PRPF40B: variants seen among roughly 807,000 people sequenced by gnomAD.
PRPF40B encodes pre-mRNA-processing factor 40 homolog B.
Under a neutral mutation model 124.5 loss-of-function variants are expected in PRPF40B, and 56 were observed. That is an observed-to-expected ratio of 0.45 (90% CI 0.36 to 0.56). The LOEUF is 0.56. PRPF40B is among the 20% of genes least tolerant of loss of function. The pLI is 0.00. For synonymous variants in PRPF40B, 443 were observed against 426.4 expected (o/e 1.04, Z -0.48); for missense variants, 1,053 against 1,169.5 (o/e 0.90, Z 1.45).
chr12:49,636,023 C>T (rs1263353641), intron 15 of PRPF40B, 30 bp downstream of exon 15: 2 of 1,612,236 alleles, frequency 1.2e-6, no homozygotes, highest in Non-Finnish European at 1.7e-6. Context: ...CCCAGCTATC[C>T]CTTTCCCTTT....
chr12:49,643,594 G>A, intron 23 of PRPF40B, 97 bp from the exon 24 acceptor site: 1 of 1,425,202 alleles, frequency 7.0e-7, no homozygotes, highest in African/African-American at 1.4e-5. Flanking sequence ...CAGAGCATGA[G>A]GTTCCTGCCT....
chr12:49,641,954 C>G lies in PRPF40B; in HGVS notation c.1814C>G (p.Ala605Gly). The G allele has an allele frequency of 6.2e-7, 1 of 1,613,930 alleles. No homozygotes were observed. Among genetic ancestry groups the G allele is most frequent in the Non-Finnish European group, 8.5e-7 (1 of 1,180,044 alleles). The stretch of plus-strand genomic sequence containing the variant: ...GTGAACACGGCCTTTGAGGACTTCG[C>G]CCACGTCATAAGCTTTGACAAGAGG... ...VEVNTAFEDF[A>G]HVISFDKRAA... The change falls in exon 19 of 26, where the codon GCC becomes GGC. Residue 605 changes from alanine (A) to glycine (G), a missense_variant. This residue lies in a region of PRPF40B where 895 missense variants were observed against 1,052.2 expected (regional missense o/e 0.85). Coordinates refer to ENST00000548825, the MANE Select transcript of PRPF40B (RefSeq NM_001031698.3).
chr12:49,633,758 C>T (rs1375564306), intron 9 of PRPF40B, 97 bp downstream of exon 9: 7 of 1,605,860 alleles, frequency 4.4e-6, no homozygotes, highest in East Asian at 4.5e-5. Context: ...GAGGAAGAGC[C>T]AGCTCTGTCT....
At chr12:49,624,064 C>T in intron 1 of PRPF40B, 1 of 989,280 alleles carries the variant, frequency 1.0e-6, no homozygotes, top group Non-Finnish European at 1.2e-6. Flanking sequence ...CCTGCTTCAC[C>T]TTCCTGCATT....
intron 8 of PRPF40B, 26 bp from the exon 9 acceptor site, chr12:49,633,611 G>C (rs1278800295): frequency 3.7e-6 from 6 of 1,614,092 alleles, no homozygotes; most frequent in Non-Finnish European, 5.1e-6. Flanking sequence ...CCCTGTGACT[G>C]ACTGTGTTAT....
At chr12:49,622,660 CAGG>C (rs1429486051), upstream of PRPF40B, 2 of 152,270 alleles carry the variant, frequency 1.3e-5, no homozygotes, top group Admixed American at 6.5e-5. Context: ...CTCTTCGTGT[CAGG>C]AGTTTTTCTA....
upstream of PRPF40B, chr12:49,623,489 C>G: frequency 4.2e-6 from 5 of 1,196,266 alleles, no homozygotes; most frequent in Non-Finnish European, 5.2e-6. Flanking sequence ...CGAAGGGGTG[C>G]GACCCCCCGC....
At position 49,643,027 on chromosome 12, in the gene PRPF40B, G is replaced by A. The variant is rs150633132; in HGVS notation, c.2205+11G>A. On this transcript the variant is annotated intron_variant, in intron 22 of 25. Transcript: ENST00000548825. Reference sequence around the variant, plus strand: ...TCCCACTCACCCTCAGTGAGTAAGCGTGTAGAAGGGACATGGGGTGAAGCT... The same window carrying A: ...TCCCACTCACCCTCAGTGAGTAAGCATGTAGAAGGGACATGGGGTGAAGCT... 144 of 1,612,730 alleles carry A rather than the reference G, an allele frequency of 8.9e-5. No individual in the cohort carries two copies. The Middle Eastern group carries it at 1.3e-3, about 15-fold the overall frequency.
chr12:49,643,294 C>T lies in PRPF40B; in HGVS notation c.2277C>T (p.Pro759=), dbSNP rs1188109089. Reference sequence around the variant, plus strand: ...CCCCCAAGCGGAGGAGGCGGAACCCCTCAGAGTCAGGCTCTGAGCCCTCTT... The same window carrying T: ...CCCCCAAGCGGAGGAGGCGGAACCCTTCAGAGTCAGGCTCTGAGCCCTCTT... ...LRPPKRRRRN[P]SESGSEPSSS... Residue 759 remains proline (P), a synonymous_variant, in exon 23 of 26, where the codon CCC becomes CCT. Transcript: ENST00000548825. 1 of 1,613,416 alleles carries T rather than the reference C, an allele frequency of 6.2e-7. No individual in the cohort carries two copies. Among genetic ancestry groups the T allele is most frequent in the South Asian group, 1.1e-5 (1 of 90,902 alleles).
At position 49,641,934 on chromosome 12, in the gene PRPF40B, C is replaced by A. The variant is rs926005426; in HGVS notation, c.1794C>A (p.Asn598Lys). The A allele has an allele frequency of 6.2e-7, 1 of 1,613,570 alleles. No homozygotes were observed. Among genetic ancestry groups the A allele is most frequent in the African/African-American group, 1.3e-5 (1 of 74,924 alleles). Residue 598 changes from asparagine (N) to lysine (K), a missense_variant, in exon 19 of 26, where the codon AAC becomes AAA. Physicochemically the swap from Asn to Lys is moderately conservative, Grantham distance 94. This residue lies in a region of PRPF40B where 895 missense variants were observed against 1,052.2 expected (regional missense o/e 0.85). Coordinates refer to ENST00000548825, the MANE Select transcript of PRPF40B (RefSeq NM_001031698.3). ...ACCGGGGCTTCTGCGTGGAGGTGAA[C>A]ACGGCCTTTGAGGACTTCGCCCACG... ...LKDRGFCVEV[N>K]TAFEDFAHVI...
intron 18 of PRPF40B, chr12:49,641,690 C>T: frequency 1.8e-6 from 1 of 569,552 alleles, no homozygotes; most frequent in South Asian, 2.3e-5. Context: ...CTCCCAACCC[C>T]TTCAGCTCTG....
chr12:49,635,432 G>A lies in PRPF40B; in HGVS notation c.1234G>A (p.Val412Ile). 1 of 1,614,078 alleles carries A rather than the reference G, an allele frequency of 6.2e-7. No homozygotes were observed. ...GGTCCCTGAGAGGGATCGAAAAGAG[G>A]TTTATGATGATGTCCTCTTCTTCCT... is the stretch of plus-strand genomic sequence containing the variant. ...AVVPERDRKE[V>I]YDDVLFFLAK... is the part of the protein sequence containing the mutation. Residue 412 changes from valine (V) to isoleucine (I), a missense_variant, in exon 14 of 26, where the codon GTT (valine) becomes ATT (isoleucine). This residue lies in a region of PRPF40B where 895 missense variants were observed against 1,052.2 expected (regional missense o/e 0.85). Coordinates refer to ENST00000548825, the MANE Select transcript of PRPF40B (RefSeq NM_001031698.3). This position sits in a 1 kb window ranked among gnomAD's most constrained non-coding sequence, Gnocchi z 4.1.
Position 49,634,056 on chromosome 12 carries a change from A to G in PRPF40B, c.776A>G (p.Gln259Arg). The change falls in exon 10 of 26, where the codon CAG becomes CGG. Residue 259 changes from glutamine (Q) to arginine (R), a missense_variant. By Grantham distance (43) the Gln-to-Arg change is conservative. This residue lies in a region of PRPF40B where 895 missense variants were observed against 1,052.2 expected (regional missense o/e 0.85). Coordinates refer to ENST00000548825, the MANE Select transcript of PRPF40B (RefSeq NM_001031698.3). ...DVLEATQPLE[Q>R]GFLQQLEEGP... ...TTGGAGGCCACCCAGCCCCTGGAAC[A>G]GGGGTTCCTGCAGCAGCTGGAGGAG... is the stretch of plus-strand genomic sequence containing the variant. 6.2e-7 allele frequency: 1 copy of G among 1,613,548 alleles called. No individual in the cohort carries two copies. Among genetic ancestry groups the G allele is most frequent in the Non-Finnish European group, 8.5e-7 (1 of 1,179,892 alleles).
In PRPF40B at chr12:49,632,888, C is replaced by T. The variant is rs754512379; in HGVS notation, c.348+8C>T. ...GCTGGGACAGGCCCTCCGGTGAGTT[C>T]TTCCAGCTCAGGGGTCTCTGGGTAG... On this transcript the variant is annotated splice_region_variant and intron_variant, in intron 6 of 25. Transcript: ENST00000548825. 1 of 1,613,590 alleles carries T rather than the reference C, an allele frequency of 6.2e-7. No homozygotes were observed. Among genetic ancestry groups the T allele is most frequent in the Non-Finnish European group, 8.5e-7 (1 of 1,180,012 alleles).
chr12:49,637,106 G>T, intron 16 of PRPF40B: 1 of 596,894 alleles, frequency 1.7e-6, no homozygotes, highest in Non-Finnish European at 2.9e-6. Flanking sequence ...GCATGACTTG[G>T]CAGCTAGGCC....
chr12:49,643,403 C>G lies in PRPF40B; in HGVS notation c.2380+6C>G. On this transcript the variant is annotated splice_donor_region_variant and intron_variant, in intron 23 of 25. Coordinates refer to ENST00000548825, the MANE Select transcript of PRPF40B (RefSeq NM_001031698.3). ...CTCCCATCTTCTTGGAGCAGGTAAG[C>G]AGTTGCTGTGAGCGTAGAAGCTGGA... The G allele has an allele frequency of 6.5e-7, 1 of 1,547,462 alleles. No homozygotes were observed. The highest frequency in any genetic ancestry group is 2.3e-5 in the East Asian group (1 of 44,396).
intron 1 of PRPF40B, among the ~76,000 whole-genome samples, chr12:49,624,860 A>G (rs1044847604): frequency 6.6e-6 from 1 of 152,092 alleles, no homozygotes; most frequent in Non-Finnish European, 1.5e-5. Context: ...AAAAAAAAAA[A>G]AAGCAACAGG....
chr12:49,630,756 G>A, intron 2 of PRPF40B, 131 bp downstream of exon 2: 3 of 611,040 alleles, frequency 4.9e-6, no homozygotes, highest in Non-Finnish European at 8.9e-6. Flanking sequence ...GAAGAGGGAT[G>A]GTTTTACTTG....
Position 49,642,624 on chromosome 12 carries a change from C to T in PRPF40B, c.2067C>T (p.Thr689=). The change falls in exon 21 of 26, where the codon ACC becomes ACT. Residue 689 remains threonine, a synonymous_variant. Transcript: ENST00000548825. This position sits in a 1 kb window ranked among gnomAD's most constrained non-coding sequence, Gnocchi z 5.8. The part of the protein sequence containing the change: ...FVCDSAFEQI[T]LESERIRLFR... ...GTGACTCAGCCTTTGAGCAGATCACCCTGGAGTCGGAGCGGATCCGGCTCT... is the reference window on the plus strand; with the variant it reads ...GTGACTCAGCCTTTGAGCAGATCACTCTGGAGTCGGAGCGGATCCGGCTCT... The T allele has an allele frequency of 5.0e-6, 8 of 1,614,202 alleles. No homozygotes were observed. The highest frequency in any genetic ancestry group is 6.8e-6 in the Non-Finnish European group (8 of 1,180,026).
Sources: allele counts gnomAD v4.1 joint callset (sites outside exome capture counted in the v4.1 genomes callset), GRCh38; gene constraint gnomAD v4.1.1; regional missense constraint gnomAD v4.1.1; non-coding constraint Gnocchi (gnomAD v3.1); transcripts MANE v1.5; gene names NCBI Gene and HGNC (gene_info 2026-07-23, HGNC 2026-07-21).